AP3D1: variants seen among roughly 807,000 people sequenced by gnomAD.
AP3D1 encodes the protein adaptor related protein complex 3 subunit delta 1.
In AP3D1, 51 loss-of-function variants were observed where a neutral mutation model predicts 147.6. That is an observed-to-expected ratio of 0.35 (90% CI 0.28 to 0.44). The LOEUF (loss-of-function observed/expected upper bound fraction) is 0.44, where lower values mean the gene tolerates loss of function less well. Ranked by LOEUF, AP3D1 falls within the 20% of genes least tolerant of loss-of-function variation. The probability of loss-of-function intolerance (pLI) is 1.00; values close to 1 mark genes in which losing one functional copy is unlikely to be tolerated. For missense variants in AP3D1, 1,421 were observed against 1,624.2 expected, an observed-to-expected ratio of 0.87 and a Z score of 2.15; for synonymous variants, 760 against 663.0, an observed-to-expected ratio of 1.15 and a Z score of -2.25.
chr19:2,134,933 C>G (rs576618197), intron 4 of AP3D1, among the ~76,000 whole-genome samples: 1 of 151,980 alleles, frequency 6.6e-6, no homozygotes, highest in Non-Finnish European at 1.5e-5. Context: ...AAAAACAAGC[C>G]AGGCGCAGTA....
chr19:2,113,247 G>C, intron 23 of AP3D1, 89 bp downstream of exon 23: 1 of 730,598 alleles, frequency 1.4e-6, no homozygotes, highest in Non-Finnish European at 2.3e-6. Flanking sequence ...AGAGCACAGG[G>C]CCTCAGGAGA....
intron 10 of AP3D1, 142 bp downstream of exon 10, chr19:2,123,688 G>T: frequency 9.9e-7 from 1 of 1,007,366 alleles, no homozygotes; most frequent in Non-Finnish European, 1.5e-6. Flanking sequence ...AGTGCACACA[G>T]GACGCGGCTG....
intron 1 of AP3D1, among the ~76,000 whole-genome samples, chr19:2,148,254 T>C (rs2019414954): frequency 6.6e-6 from 1 of 152,174 alleles, no homozygotes; most frequent in Non-Finnish European, 1.5e-5. Context: ...TTGTGCCAAT[T>C]CTATCGAGCT....
chr19:2,117,278 A>G lies in AP3D1; in HGVS notation c.1803T>C (p.Ala601=). ...PVAEEVSALF[A]GELNPVAPKA... is the part of the protein sequence containing the mutation. ...TGGGGGCCACTGGGTTCAGCTCCCC[A>G]GCAAAGAGAGCGCTGACCTCCTCTG... Residue 601 remains alanine (A), a synonymous_variant, in exon 16 of 32, where the codon GCT becomes GCC. Transcript: ENST00000643116. 6.2e-7 allele frequency: 1 copy of G among 1,612,838 alleles called. No homozygotes were observed.
At chr19:2,135,594 G>A (rs553759958) in intron 4 of AP3D1, among the ~76,000 whole-genome samples, 3 of 152,184 alleles carry the variant, frequency 2.0e-5, no homozygotes, top group Admixed American at 6.5e-5. Context: ...TCGGAAGCAC[G>A]TGATCCTACA....
chr19:2,132,403 C>T (rs1436721265), intron 5 of AP3D1, 68 bp downstream of exon 5: 7 of 1,428,384 alleles, frequency 4.9e-6, no homozygotes, highest in Admixed American at 3.6e-5. Flanking sequence ...GCTTCCCAGG[C>T]ATGCCACTTT....
intron 1 of AP3D1, among the ~76,000 whole-genome samples, chr19:2,142,432 G>A (rs2019246586): frequency 1.3e-5 from 2 of 152,128 alleles, no homozygotes; most frequent in East Asian, 1.9e-4. Context: ...TTAAAGGTGT[G>A]AGCCACCGCA....
chr19:2,147,054 G>T (rs574303316), intron 1 of AP3D1, among the ~76,000 whole-genome samples: 1 of 143,116 alleles, frequency 7.0e-6, no homozygotes, highest in Admixed American at 7.2e-5. Flanking sequence ...GAGAAAACCC[G>T]CTCAGTTCGG....
rs1334993311 is a variant in AP3D1, at chr19:2,112,891, T to G, written c.2756A>C (p.Glu919Ala). The G allele has an allele frequency of 3.1e-6, 5 of 1,613,136 alleles. No homozygotes were observed. In the African/African-American group the frequency reaches 4.0e-5, roughly 13 times the overall value. ...CTGGTCTTGCCCCTCGGCATCGTCC[T>G]CCTCGCCCTGCGCCTCCGTCTTGGC... The part of the protein sequence containing the change: ...EDAKTEAQGE[E>A]DDAEGQDQDK... The change falls in exon 24 of 32, where the codon GAG (glutamate) becomes GCG (alanine). Residue 919 changes from glutamate (E) to alanine (A), a missense_variant. Transcript: ENST00000643116.
intron 8 of AP3D1, among the ~76,000 whole-genome samples, chr19:2,128,138 G>A (rs1440940750): frequency 6.6e-6 from 1 of 152,134 alleles, no homozygotes; most frequent in Non-Finnish European, 1.5e-5. Flanking sequence ...TGCAGTGGGG[G>A]CCGGGGAGGG....
intron 1 of AP3D1, among the ~76,000 whole-genome samples, chr19:2,157,441 CAAAAAAAAA>C (rs137939397): frequency 0.41 from 41,005 of 101,148 alleles, 7,836 homozygotes; most frequent in Middle Eastern, 0.55. Flanking sequence ...GACTCCGTCT[CAAAAAAAAA>C]AAAAAAAAAA....
rs775564429 is a variant in AP3D1, at chr19:2,115,239, C to T, written c.2329G>A (p.Val777Ile). The T allele has an allele frequency of 3.0e-5, 48 of 1,613,240 alleles. No homozygotes were observed. Among genetic ancestry groups the T allele is most frequent in the Middle Eastern group, 1.6e-4 (1 of 6,084 alleles). Residue 777 changes from valine (V) to isoleucine (I), a missense_variant, in exon 20 of 32, where the codon GTC becomes ATC. By Grantham distance (29) the Val-to-Ile change is conservative. Coordinates refer to ENST00000643116, the MANE Select transcript of AP3D1 (RefSeq NM_001261826.3). ...CTGACCTCAGGCATCTCCTCTGTGACGATGTCCACCTGCTGGGCAGGGGCG... is the reference window on the plus strand; with the variant it reads ...CTGACCTCAGGCATCTCCTCTGTGATGATGTCCACCTGCTGGGCAGGGGCG... ...DIAPAQQVDI[V>I]TEEMPENALP...
intron 25 of AP3D1, 156 bp from the exon 26 acceptor site, chr19:2,111,488 G>T: frequency 8.2e-7 from 1 of 1,214,620 alleles, no homozygotes; most frequent in Non-Finnish European, 1.2e-6. Flanking sequence ...CCGGCTCCCA[G>T]GACCACACAG....
intron 1 of AP3D1, among the ~76,000 whole-genome samples, chr19:2,150,040 T>C (rs1029150354): frequency 1.3e-5 from 2 of 152,030 alleles, no homozygotes; most frequent in Admixed American, 6.6e-5. Context: ...ATGACCTCAT[T>C]AAGGTGGGGG....
At chr19:2,148,877 T>C (rs2019431908) in intron 1 of AP3D1, among the ~76,000 whole-genome samples, 1 of 152,236 alleles carries the variant, frequency 6.6e-6, no homozygotes, top group Admixed American at 6.5e-5. Context: ...TTTTGGAAAC[T>C]ATACTGCTGC....
intron 1 of AP3D1, 116 bp downstream of exon 1, chr19:2,151,123 C>G: frequency 3.0e-6 from 3 of 999,920 alleles, no homozygotes; most frequent in South Asian, 3.4e-5. Flanking sequence ...TAAGCGGGAC[C>G]TCCAACTAAG....
intron 1 of AP3D1, among the ~76,000 whole-genome samples, chr19:2,143,775 T>A (rs1312054745): frequency 3.5e-5 from 5 of 141,560 alleles, no homozygotes; most frequent in Non-Finnish European, 4.6e-5. Context: ...AAAAAAAAAA[T>A]AAAAAAGGAA....
intron 1 of AP3D1, among the ~76,000 whole-genome samples, chr19:2,156,577 G>A (rs555344606): frequency 1.5e-4 from 23 of 150,450 alleles, no homozygotes; most frequent in East Asian, 6.2e-4. Flanking sequence ...AGGGCAGGGC[G>A]CGGTGGCTCA....
Position 2,114,774 on chromosome 19 carries a change from G to A in AP3D1, c.2397C>T (p.Tyr799=). Residue 799 remains tyrosine (Y), a synonymous_variant, in exon 21 of 32, where the codon TAC becomes TAT. Coordinates refer to ENST00000643116, the MANE Select transcript of AP3D1 (RefSeq NM_001261826.3). ...TATCCAGGTCAATATCCAGAGCCCTGTAGGGGTCGTTGGGGTCTTTGTCAT... is the reference window on the plus strand; with the variant it reads ...TATCCAGGTCAATATCCAGAGCCCTATAGGGGTCGTTGGGGTCTTTGTCAT... The part of the protein sequence containing the change: ...DEDDKDPNDP[Y]RALDIDLDKP... 6.2e-7 allele frequency: 1 copy of A among 1,614,114 alleles called. No homozygotes were observed. Among genetic ancestry groups the A allele is most frequent in the South Asian group, 1.1e-5 (1 of 91,090 alleles).
Sources: gnomAD v4.1 joint callset for allele counts (sites outside exome capture counted in the v4.1 genomes callset) on GRCh38, gnomAD v4.1.1 for gene constraint, MANE v1.5 for transcripts, NCBI Gene and HGNC (gene_info 2026-07-23, HGNC 2026-07-21) for gene names.